Variants in ANKFN1 observed in about 807,000 individuals in gnomAD.
ANKFN1 encodes the protein ankyrin repeat and fibronectin type-III domain-containing protein 1.
In ANKFN1, 74 loss-of-function variants were observed where a neutral mutation model predicts 108.7. That is an observed-to-expected ratio of 0.68 (90% CI 0.56 to 0.83). The LOEUF is 0.83. ANKFN1 is among the 40% of genes least tolerant of loss of function. The pLI is 0.00. For synonymous variants in ANKFN1, 547 were observed against 516.2 expected, an observed-to-expected ratio of 1.06 and a Z score of -0.81; for missense variants, 1,505 against 1,382.3, an observed-to-expected ratio of 1.09 and a Z score of -1.41.
chr17:56,325,481 C>T (rs887679354), intron 3 of ANKFN1, among the ~76,000 whole-genome samples: 6 of 152,118 alleles, frequency 3.9e-5, no homozygotes, highest in South Asian at 2.1e-4. Flanking sequence ...TGAAAGGAGC[C>T]GGGTATACCC....
intron 8 of ANKFN1, among the ~76,000 whole-genome samples, chr17:56,383,804 C>A (rs1197220170): frequency 6.6e-6 from 1 of 152,152 alleles, no homozygotes; most frequent in African/African-American, 2.4e-5. Context: ...TCTAAATAGA[C>A]CAATAACAGG....
At chr17:56,383,507 C>CA (rs1266697266) in intron 8 of ANKFN1, among the ~76,000 whole-genome samples, 2 of 151,954 alleles carry the variant, frequency 1.3e-5, no homozygotes, top group Non-Finnish European at 2.9e-5. Context: ...ATTAGAGACA[C>CA]AAAAAACCCT....
chr17:56,473,961 A>G (rs1367662649), intron 15 of ANKFN1, among the ~76,000 whole-genome samples: 1 of 152,048 alleles, frequency 6.6e-6, no homozygotes, highest in Non-Finnish European at 1.5e-5. Flanking sequence ...TACCTATCCT[A>G]TATTTGTATT....
At chr17:56,094,618 C>T (rs544297064) in intron 4 of ANKFN1, among the ~76,000 whole-genome samples, 81 of 149,084 alleles carry the variant, frequency 5.4e-4, no homozygotes, top group African/African-American at 1.9e-3. Flanking sequence ...ATTCTCCTGC[C>T]TCAGCCTCCC....
At chr17:56,075,342 G>C (rs953697744) in intron 4 of ANKFN1, among the ~76,000 whole-genome samples, 3 of 152,258 alleles carry the variant, frequency 2.0e-5, no homozygotes, top group African/African-American at 7.2e-5. Flanking sequence ...TGTACGTGAA[G>C]TACCTTGCAT....
chr17:56,107,852 A>G (rs1213800802), intron 4 of ANKFN1, among the ~76,000 whole-genome samples: 1 of 152,048 alleles, frequency 6.6e-6, no homozygotes, highest in Admixed American at 6.6e-5. Context: ...ACCTTTTTTA[A>G]ATTATTTTTT....
chr17:56,402,339 T>A (rs2047788409), intron 8 of ANKFN1, among the ~76,000 whole-genome samples: 1 of 152,046 alleles, frequency 6.6e-6, no homozygotes, highest in African/African-American at 2.4e-5. Context: ...TGGTGGTAAT[T>A]TTTAAATTGC....
chr17:56,245,272 A>G (rs2144025722), intron 3 of ANKFN1, among the ~76,000 whole-genome samples: 1 of 152,164 alleles, frequency 6.6e-6, no homozygotes, highest in East Asian at 1.9e-4. Context: ...CCTGCCCTTT[A>G]TAACTCTCAT....
chr17:56,494,756 C>A (rs1000811455), intron 19 of ANKFN1, among the ~76,000 whole-genome samples: 4 of 152,024 alleles, frequency 2.6e-5, no homozygotes. Flanking sequence ...ACTTAACAAC[C>A]AGAGATATTT....
Position 56,374,609 on chromosome 17 carries a change from G to A in ANKFN1, c.805G>A (p.Glu269Lys), listed in dbSNP as rs765917235. The A allele has an allele frequency of 1.9e-6, 3 of 1,613,676 alleles. No individual in the cohort carries two copies. Among genetic ancestry groups the A allele is most frequent in the Admixed American group, 1.7e-5 (1 of 59,996 alleles). ...KTGFEHARAP[E>K]MPTNVCLMVT... is the part of the protein sequence containing the mutation. ...TTTTCCTTCTGTCCCAGGAGCCCCT[G>A]AGATGCCAACCAATGTCTGTCTCAT... The change falls in exon 8 of 21, where the codon GAG becomes AAG. Residue 269 changes from glutamate (E) to lysine (K), a missense_variant. Transcript: ENST00000682825.
In ANKFN1 at chr17:56,511,114, G is replaced by A. The variant is rs1413858778; in HGVS notation, c.3286G>A (p.Ala1096Thr). Residue 1096 changes from alanine (A) to threonine (T), a missense_variant, in exon 21 of 21, where the codon GCA (alanine) becomes ACA (threonine). Coordinates refer to ENST00000682825, the MANE Select transcript of ANKFN1 (RefSeq NM_001370326.1). The stretch of plus-strand genomic sequence containing the variant: ...CCGCCGCCTCTACGTGGAGCCCTAC[G>A]CAGCGGCCGTGGTGGCCCAGGACGA... ...SVRRLYVEPY[A>T]AAVVAQDEKP... 6 of 1,535,872 alleles carry A rather than the reference G, an allele frequency of 3.9e-6. No individual in the cohort carries two copies. The highest frequency in any genetic ancestry group is 2.7e-5 in the African/African-American group (2 of 73,050).
In ANKFN1 at chr17:56,511,835, T is replaced by C. The variant is rs565079815; in HGVS notation, c.*566T>C. 4.6e-5 allele frequency among the ~76,000 whole-genome samples: 7 copies of C among 152,324 alleles called. No homozygotes were observed. The highest frequency in any genetic ancestry group is 1.7e-4 in the African/African-American group (7 of 41,576). On this transcript the variant is annotated 3_prime_UTR_variant, in exon 21 of 21. Transcript: ENST00000682825. Reference sequence around the variant, plus strand: ...TTCCAAAGTGCAGAATTCTCAGGGCTCACCTTATCCAATTTATCCATCAGT... The same window carrying C: ...TTCCAAAGTGCAGAATTCTCAGGGCCCACCTTATCCAATTTATCCATCAGT...
In ANKFN1 at chr17:56,059,615, G is replaced by A. The variant is rs189287832; in HGVS notation, c.288+13290G>A. On this transcript the variant is annotated intron_variant, in intron 4 of 12. Coordinates refer to the ANKFN1 transcript ENST00000635860. ...CATCTTGAGTTAACTTTTGTATAAGGTGTAAGGAAGGGATCCAGTTTCAGT... is the reference window on the plus strand; with the variant it reads ...CATCTTGAGTTAACTTTTGTATAAGATGTAAGGAAGGGATCCAGTTTCAGT... Among the ~76,000 whole-genome samples, 122 of 152,246 alleles carry A rather than the reference G, an allele frequency of 8.0e-4. 1 individual carries two copies. Among genetic ancestry groups the A allele is most frequent in the African/African-American group, 2.7e-3 (114 of 41,540 alleles).
intron 1 of ANKFN1, among the ~76,000 whole-genome samples, chr17:56,186,416 A>T (rs1186022493): frequency 6.6e-6 from 1 of 151,906 alleles, no homozygotes; most frequent in Admixed American, 6.6e-5. Context: ...CTGTGTTGTG[A>T]TACCATTTTA....
intron 1 of ANKFN1, among the ~76,000 whole-genome samples, chr17:56,171,410 A>G (rs546078756): frequency 2.0e-5 from 3 of 152,274 alleles, no homozygotes; most frequent in South Asian, 2.1e-4. Context: ...AGCACCTTCT[A>G]TACCCCAGGA....
At chr17:56,142,511 A>G (rs1196725698) in intron 4 of ANKFN1, among the ~76,000 whole-genome samples, 2 of 152,210 alleles carry the variant, frequency 1.3e-5, no homozygotes, top group African/African-American at 4.8e-5. Context: ...AATCATCTGC[A>G]CCACATGCCT....
intron 1 of ANKFN1, among the ~76,000 whole-genome samples, chr17:56,212,153 T>C (rs1215619194): frequency 6.6e-6 from 1 of 151,460 alleles, no homozygotes; most frequent in African/African-American, 2.4e-5. Flanking sequence ...TTTCCCCATT[T>C]AGTATAATAT....
intron 3 of ANKFN1, among the ~76,000 whole-genome samples, chr17:56,324,477 C>T (rs2045460792): frequency 6.6e-6 from 1 of 152,138 alleles, no homozygotes; most frequent in Admixed American, 6.5e-5. Context: ...ACGTGTAACT[C>T]ATGACCCCTG....
chr17:56,489,450 T>TA lies in ANKFN1; in HGVS notation c.2261-2718dup, dbSNP rs79704215. Reference sequence around the variant, plus strand: ...AAAGTAACATTAAAGGGTCTGGATTTAAAAAAAAAAAAAAAAAAACCACAA... The same window carrying TA: ...AAAGTAACATTAAAGGGTCTGGATTTAAAAAAAAAAAAAAAAAAAACCACAA... On this transcript the variant is annotated intron_variant, in intron 18 of 20. Transcript: ENST00000682825. Among the ~76,000 whole-genome samples the TA allele has an allele frequency of 9.2e-3, 1,296 of 140,160 alleles. 4 individuals carry two copies. Among genetic ancestry groups the TA allele is most frequent in the Non-Finnish European group, 0.013 (819 of 64,586 alleles). The allele number at this position is 140,160 out of a possible 152,430, so 92.0% of individuals were successfully genotyped here. A position where few individuals can be genotyped will look rare whatever the true frequency, so the allele number is the denominator to read the frequency against.
Sources: allele counts gnomAD v4.1 joint callset (sites outside exome capture counted in the v4.1 genomes callset), GRCh38; gene constraint gnomAD v4.1.1; transcripts MANE v1.5; gene names NCBI Gene and HGNC (gene_info 2026-07-23, HGNC 2026-07-21).